The following RHBDF2 variants were observed in gnomAD, a reference collection of about 807,000 sequenced individuals.
The protein encoded by RHBDF2 is rhomboid 5 homolog 2, also known as inactive rhomboid protein 2.
RHBDF2 carries 38 observed loss-of-function variants against 95.2 expected under a neutral mutation model. That is an observed-to-expected ratio of 0.40 (90% CI 0.31 to 0.52). RHBDF2 has a LOEUF of 0.52. Ranked by LOEUF, RHBDF2 falls within the 20% of genes least tolerant of loss-of-function variation. The pLI, the probability that RHBDF2 is intolerant of heterozygous loss-of-function variation, is 0.56. For missense variants in RHBDF2, 863 were observed against 1,137.7 expected, an observed-to-expected ratio of 0.76 and a Z score of 3.47; for synonymous variants, 442 against 462.0, an observed-to-expected ratio of 0.96 and a Z score of 0.55.
intron 1 of RHBDF2, chr17:76,500,929 T>G (rs2074561949): frequency 6.6e-6 from 1 of 152,472 alleles, no homozygotes; most frequent in Non-Finnish European, 1.5e-5. Flanking sequence ...GTCCGCCCGG[T>G]GCTCACCCGG....
At chr17:76,476,410 C>T (rs574682837) in intron 9 of RHBDF2, 2 of 168,414 alleles carry the variant, frequency 1.2e-5, no homozygotes, top group South Asian at 3.1e-4. Flanking sequence ...CCTTCTGACT[C>T]AGCCTCCCAA....
chr17:76,490,953 C>A (rs913108635), intron 1 of RHBDF2, among the ~76,000 whole-genome samples: 1 of 152,138 alleles, frequency 6.6e-6, no homozygotes, highest in Non-Finnish European at 1.5e-5. Flanking sequence ...CAGGATCCTG[C>A]ACCCAGTGAG....
chr17:76,489,575 G>A (rs752485346), intron 1 of RHBDF2, among the ~76,000 whole-genome samples: 40 of 152,046 alleles, frequency 2.6e-4, no homozygotes, highest in Non-Finnish European at 4.1e-4. Context: ...CGCCTGCCTC[G>A]GCCTCCCAAA....
chr17:76,480,714 C>A (rs2073939418), intron 3 of RHBDF2, among the ~76,000 whole-genome samples: 1 of 152,200 alleles, frequency 6.6e-6, no homozygotes, highest in African/African-American at 2.4e-5. Context: ...TCGCCATTGT[C>A]TAACTTTTCT....
At chr17:76,494,531 C>G (rs989002818) in intron 1 of RHBDF2, among the ~76,000 whole-genome samples, 1 of 152,198 alleles carries the variant, frequency 6.6e-6, no homozygotes, top group Non-Finnish European at 1.5e-5. Context: ...GTGGGCAGAT[C>G]ACCTGAGGTC....
intron 1 of RHBDF2, among the ~76,000 whole-genome samples, chr17:76,490,436 G>A (rs1440475192): frequency 6.6e-6 from 1 of 152,140 alleles, no homozygotes; most frequent in African/African-American, 2.4e-5. Context: ...GCCTGCTCTG[G>A]GGACAGCTCC....
intron 2 of RHBDF2, among the ~76,000 whole-genome samples, chr17:76,483,083 C>T (rs1321969128): frequency 6.6e-6 from 1 of 151,566 alleles, no homozygotes; most frequent in Non-Finnish European, 1.5e-5. Context: ...GCAGGAGAAT[C>T]ACTTGAACCC....
Position 76,478,899 on chromosome 17 carries a change from G to A in RHBDF2, c.579C>T (p.Phe193=), listed in dbSNP as rs2073856202. 2 of 1,611,804 alleles carry A rather than the reference G, an allele frequency of 1.2e-6. No homozygotes were observed. The highest frequency in any genetic ancestry group is 4.5e-5 in the East Asian group (2 of 44,874). Residue 193 remains phenylalanine, a synonymous_variant, in exon 6 of 19, where the codon TTC becomes TTT. Transcript: ENST00000675367. Reference sequence around the variant, plus strand: ...GGGAGTAGCCAGAACGGACACTGGTGAAGGAGGTGAGGGACAGGACTCCGG... The same window carrying A: ...GGGAGTAGCCAGAACGGACACTGGTAAAGGAGGTGAGGGACAGGACTCCGG... ...LTPGVLSLTS[F]TSVRSGYSHL... is the part of the protein sequence containing the mutation.
chr17:76,498,789 A>AGTGGGTGTGTGT (rs2074495841), intron 1 of RHBDF2, among the ~76,000 whole-genome samples: 1 of 143,662 alleles, frequency 7.0e-6, no homozygotes. Context: ...AGAGAAAGAG[A>AGTGGGTGTGTGT]GTGTGTGTGT....
chr17:76,475,267 C>G, intron 9 of RHBDF2, 126 bp from the exon 10 acceptor site: 1 of 643,416 alleles, frequency 1.6e-6, no homozygotes, highest in Non-Finnish European at 2.8e-6. Flanking sequence ...GTCAACTCAT[C>G]TCAAACCAGA....
rs1229299478 is a variant in RHBDF2 at position 76,473,631 on chromosome 17, G to C, written c.1733+17C>G. 1 of 1,588,552 alleles carries C rather than the reference G, an allele frequency of 6.3e-7. No individual in the cohort carries two copies. ...GGGGGCAGTGGGATGGCTGAGGCCA[G>C]GGCCCAGGTCGCTCACCTGCCCTTG... On this transcript the variant is annotated intron_variant, in intron 15 of 18. Coordinates refer to ENST00000675367, the MANE Select transcript of RHBDF2 (RefSeq NM_001005498.4).
intron 18 of RHBDF2, chr17:76,472,447 G>T: frequency 1.6e-6 from 1 of 627,562 alleles, no homozygotes; most frequent in Non-Finnish European, 2.9e-6. Context: ...GTCAGGCAGT[G>T]GGCACGGTTA....
At chr17:76,496,229 C>T (rs745403363) in intron 1 of RHBDF2, among the ~76,000 whole-genome samples, 34 of 152,328 alleles carry the variant, frequency 2.2e-4, no homozygotes, top group Admixed American at 1.4e-3. Context: ...TTGGAAGTTT[C>T]TTTTATTCCT....
chr17:76,484,078 A>G (rs2074051098), intron 2 of RHBDF2, among the ~76,000 whole-genome samples: 2 of 152,124 alleles, frequency 1.3e-5, no homozygotes, highest in Non-Finnish European at 2.9e-5. Context: ...CATGACCAAC[A>G]TGGAGAAACC....
At position 76,471,514 on chromosome 17, in the gene RHBDF2, G is replaced by GA; in HGVS notation, c.*118_*119insT. The stretch of plus-strand genomic sequence containing the variant: ...TGGCAGGGGGGCACCCAGGTCCAGA[G>GA]CCCGGGCCCTGTCTTGGGTCTCTGG... On this transcript the variant is annotated 3_prime_UTR_variant, in exon 19 of 19. Transcript: ENST00000675367. The GA allele has an allele frequency of 8.4e-7, 1 of 1,195,748 alleles. No individual in the cohort carries two copies. Among genetic ancestry groups the GA allele is most frequent in the Non-Finnish European group, 1.1e-6 (1 of 870,712 alleles). 74.1% of individuals were successfully genotyped at this position (1,195,748 alleles called of 1,614,324 possible). A position where few individuals can be genotyped will look rare whatever the true frequency, so the allele number is the denominator to read the frequency against.
At chr17:76,487,566 T>G (rs1430716095) in intron 2 of RHBDF2, 146 bp downstream of exon 2, 1 of 152,428 alleles carries the variant, frequency 6.6e-6, no homozygotes, top group Non-Finnish European at 1.5e-5. Flanking sequence ...CTGCCCTTAT[T>G]CCTCCCTCTC....
rs188598553 is a variant in RHBDF2 at position 76,496,496 on chromosome 17, T to C, written c.-220+4857A>G. Among the ~76,000 whole-genome samples, 7 of 152,286 alleles carry C rather than the reference T, an allele frequency of 4.6e-5. No individual in the cohort carries two copies. In the East Asian group the frequency reaches 1.2e-3, roughly 25 times the overall value. ...AAAAAGAACGGGTGAGGACTCTGAGTGTTTGGGGTGCTGGAGTGAGTCCTG... is the reference window on the plus strand; with the variant it reads ...AAAAAGAACGGGTGAGGACTCTGAGCGTTTGGGGTGCTGGAGTGAGTCCTG... On this transcript the variant is annotated intron_variant, in intron 1 of 18. Transcript: ENST00000675367.
At chr17:76,485,235 C>T in intron 2 of RHBDF2, among the ~76,000 whole-genome samples, 1 of 152,076 alleles carries the variant, frequency 6.6e-6, no homozygotes, top group Non-Finnish European at 1.5e-5. Flanking sequence ...TGGAGAAAGC[C>T]TATCTCTACT....
intron 15 of RHBDF2, 40 bp from the exon 16 acceptor site, chr17:76,473,367 G>A (rs148916542): frequency 0.02 from 31,076 of 1,548,404 alleles, 426 homozygotes; most frequent in Middle Eastern, 0.045. Flanking sequence ...TCAGGGCGCC[G>A]AATAACCACT....
Sources: allele counts gnomAD v4.1 joint callset (sites outside exome capture counted in the v4.1 genomes callset), GRCh38; gene constraint gnomAD v4.1.1; transcripts MANE v1.5; gene names NCBI Gene and HGNC (gene_info 2026-07-23, HGNC 2026-07-21).